Variants in PIK3R2 observed in about 807,000 individuals in gnomAD.
The protein encoded by PIK3R2 is phosphatidylinositol 3-kinase regulatory subunit beta.
A neutral mutation model predicts 78.5 loss-of-function variants in PIK3R2; 40 were observed. The ratio of observed to expected loss-of-function variants is 0.51; its 90% CI spans 0.40 to 0.66. The LOEUF (loss-of-function observed/expected upper bound fraction) is 0.66, where lower values mean the gene tolerates loss of function less well. Ranked by LOEUF, PIK3R2 falls within the 30% of genes least tolerant of loss-of-function variation. The pLI, the probability that PIK3R2 is intolerant of heterozygous loss-of-function variation, is 0.00. For missense variants in PIK3R2, 880 were observed against 1,026.6 expected (o/e 0.86, Z 1.95); for synonymous variants, 473 against 457.7 (o/e 1.03, Z -0.43).
intron 12 of PIK3R2, 133 bp from the exon 13 acceptor site, chr19:18,166,997 A>G (rs1256821335): frequency 9.5e-6 from 6 of 632,054 alleles, no homozygotes; most frequent in Admixed American, 7.5e-5. Flanking sequence ...TTAGCCAGAC[A>G]TGGTGGTGCA....
At chr19:18,162,155 C>T (rs554991692) in intron 7 of PIK3R2, 47 bp from the exon 8 acceptor site, 2 of 1,410,178 alleles carry the variant, frequency 1.4e-6, no homozygotes, top group East Asian at 2.3e-5. Flanking sequence ...GAGGCAGCCA[C>T]AGTATACAGT....
rs946878425 is a variant in PIK3R2 at position 18,168,091 on chromosome 19, C to T, written c.1737-384C>T. Among the ~76,000 whole-genome samples the T allele has an allele frequency of 6.6e-6, 1 of 152,176 alleles. No individual in the cohort carries two copies. ...CGTTATGAGTTCATTTGGTCCTTTT[C>T]AAGCCCTTTGTAAAGTTTGCCCTTT... On this transcript the variant is annotated intron_variant, in intron 13 of 15. Transcript: ENST00000222254. This position sits in a 1 kb window ranked among gnomAD's most constrained non-coding sequence, Gnocchi z 4.1.
Position 18,168,918 on chromosome 19 carries a change from G to T in PIK3R2, c.1979+22G>T. On this transcript the variant is annotated intron_variant, in intron 15 of 15. Coordinates refer to ENST00000222254, the MANE Select transcript of PIK3R2 (RefSeq NM_005027.4). The surrounding 1 kb of genome is among the most constrained non-coding windows in gnomAD (Gnocchi z 4.1). The stretch of plus-strand genomic sequence containing the variant: ...TGGTGTGAGTGGACCGCAGCGGTGG[G>T]GATTCCCGCGTCCCTCCCAGAGCTC... 6.2e-7 allele frequency: 1 copy of T among 1,602,640 alleles called. No homozygotes were observed. The highest frequency in any genetic ancestry group is 8.5e-7 in the Non-Finnish European group (1 of 1,174,404).
At chr19:18,160,024 C>A (rs1438134920) in intron 2 of PIK3R2, among the ~76,000 whole-genome samples, 1 of 152,166 alleles carries the variant, frequency 6.6e-6, no homozygotes, top group Admixed American at 6.5e-5. Context: ...CAGGCTTGAG[C>A]CGCCATCCTG....
At position 18,156,137 on chromosome 19, in the gene PIK3R2, C is replaced by CGGCCCTCGCCCACGG. The variant is rs1409975577; in HGVS notation, c.264_278dup (p.Arg91_Pro95dup). ...TGGGGCCCGTGGCCCTGGCCCGGCCCGGCCCTCGCCCACGGGGCCCCCGCC... is the reference window on the plus strand; with the variant it reads ...TGGGGCCCGTGGCCCTGGCCCGGCCCGGCCCTCGCCCACGGGGCCCTCGCCCACGGGGCCCCCGCC... On this transcript the variant is annotated inframe_insertion, in exon 2 of 16. Coordinates refer to ENST00000222254, the MANE Select transcript of PIK3R2 (RefSeq NM_005027.4). The surrounding 1 kb of genome is among the most constrained non-coding windows in gnomAD (Gnocchi z 4.2). The CGGCCCTCGCCCACGG allele has an allele frequency of 6.7e-7, 1 of 1,484,048 alleles. No homozygotes were observed. The highest frequency in any genetic ancestry group is 8.9e-7 in the Non-Finnish European group (1 of 1,120,648). The allele number at this position is 1,484,048 out of a possible 1,614,324, so 91.9% of individuals were successfully genotyped here. A position where few individuals can be genotyped will look rare whatever the true frequency, so the allele number is the denominator to read the frequency against.
Position 18,166,197 on chromosome 19 carries a change from A to G in PIK3R2, c.1454A>G (p.Asn485Ser), listed in dbSNP as rs146156161. 3.1e-5 allele frequency: 50 copies of G among 1,614,102 alleles called. No homozygotes were observed. The highest frequency in any genetic ancestry group is 2.5e-4 in the African/African-American group (19 of 75,038). ...QMKRTAIEAF[N>S]ETIKIFEEQG... Reference sequence around the variant, plus strand: ...AAGCGTACTGCAATTGAGGCCTTCAATGAGACTATCAAGATCTTTGAAGAG... The same window carrying G: ...AAGCGTACTGCAATTGAGGCCTTCAGTGAGACTATCAAGATCTTTGAAGAG... Residue 485 changes from asparagine to serine, a missense_variant, in exon 12 of 16, where the codon AAT becomes AGT. Asn to Ser is a conservative substitution (Grantham distance 46). This residue lies in a region of PIK3R2 where 156 missense variants were observed against 241.0 expected (regional missense o/e 0.65). Transcript: ENST00000222254.
intron 2 of PIK3R2, among the ~76,000 whole-genome samples, chr19:18,158,194 G>A (rs1220930360): frequency 6.6e-6 from 1 of 152,112 alleles, no homozygotes; most frequent in Non-Finnish European, 1.5e-5. Context: ...TTTGCATCAA[G>A]AAGGGAGAAG....
Position 18,162,519 on chromosome 19 carries a change from C to A in PIK3R2, c.1109+13C>A. 6.2e-7 allele frequency: 1 copy of A among 1,606,734 alleles called. No individual in the cohort carries two copies. The highest frequency in any genetic ancestry group is 8.5e-7 in the Non-Finnish European group (1 of 1,174,434). On this transcript the variant is annotated intron_variant, in intron 9 of 15. Coordinates refer to ENST00000222254, the MANE Select transcript of PIK3R2 (RefSeq NM_005027.4). ...CGCTGACCCTCAGGTGGGGGCCTGT[C>A]CCTGCAAGGATAACCGGGGGTCACA...
intron 2 of PIK3R2, among the ~76,000 whole-genome samples, chr19:18,157,402 A>G (rs1490372647): frequency 6.6e-6 from 1 of 152,072 alleles, no homozygotes; most frequent in East Asian, 1.9e-4. Flanking sequence ...CCACCCTCTG[A>G]ATCTTCCAGG....
intron 7 of PIK3R2, 63 bp from the exon 8 acceptor site, chr19:18,162,139 C>A: frequency 7.0e-7 from 1 of 1,436,376 alleles, no homozygotes; most frequent in Non-Finnish European, 9.8e-7. Flanking sequence ...AGGCTGGTTG[C>A]AGTGGGAGGC....
chr19:18,155,999 G>A lies in PIK3R2; in HGVS notation c.120G>A (p.Ala40=), dbSNP rs760577939. The A allele has an allele frequency of 1.6e-5, 25 of 1,558,542 alleles. No individual in the cohort carries two copies. The highest frequency in any genetic ancestry group is 8.3e-5 in the South Asian group (7 of 84,842). Residue 40 remains alanine, a synonymous_variant, in exon 2 of 16, where the codon GCG becomes GCA. Transcript: ENST00000222254. ...TAGTGAGCCGGGCGGCCTTGCAGGC[G>A]CTGGGCGTGGCCGAGGGTGGCGAGC... The part of the protein sequence containing the change: ...VLVVSRAALQ[A]LGVAEGGERC...
Position 18,161,149 on chromosome 19 carries a change from CCCGAGGCCTCGG to C in PIK3R2, c.570_581del (p.Ser191_Ala194del). The C allele has an allele frequency of 6.4e-7, 1 of 1,551,976 alleles. No individual in the cohort carries two copies. The highest frequency in any genetic ancestry group is 8.7e-7 in the Non-Finnish European group (1 of 1,148,470). ...GGCACTGCCCGCGCCGCTCGTGACC[CCCGAGGCCTCGG>C]CCGAGGCGCGCCGGGCCCTGCGGGG... On this transcript the variant is annotated inframe_deletion, in exon 5 of 16. Coordinates refer to ENST00000222254, the MANE Select transcript of PIK3R2 (RefSeq NM_005027.4). This position sits in a 1 kb window ranked among gnomAD's most constrained non-coding sequence, Gnocchi z 5.3.
At chr19:18,163,509 G>T in intron 11 of PIK3R2, 121 bp downstream of exon 11, 1 of 1,055,646 alleles carries the variant, frequency 9.5e-7, no homozygotes. Flanking sequence ...TCACAGAGCA[G>T]GCACTTAGCA....
chr19:18,163,952 C>G (rs1455568069), intron 11 of PIK3R2, among the ~76,000 whole-genome samples: 1 of 152,024 alleles, frequency 6.6e-6, no homozygotes, highest in Non-Finnish European at 1.5e-5. Context: ...CATGTTGAAA[C>G]CCTGTCTCTA....
In PIK3R2 at chr19:18,169,340, CGCCGGAGGCTGCGGCGGCGGGA is replaced by C; in HGVS notation, c.*50_*71del. The C allele has an allele frequency of 8.5e-7, 1 of 1,175,638 alleles. No homozygotes were observed. The highest frequency in any genetic ancestry group is 1.1e-6 in the Non-Finnish European group (1 of 927,334). The allele number at this position is 1,175,638 out of a possible 1,614,324, so 72.8% of individuals were successfully genotyped here. A position where few individuals can be genotyped will look rare whatever the true frequency, so the allele number is the denominator to read the frequency against. On this transcript the variant is annotated 3_prime_UTR_variant, in exon 16 of 16. Transcript: ENST00000222254. Reference sequence around the variant, plus strand: ...GCAGAGCCGCCCCTGGGCCCGTCTGCGCCGGAGGCTGCGGCGGCGGGAGCCACGGACCAGACCAGCCACATCC... The same window carrying C: ...GCAGAGCCGCCCCTGGGCCCGTCTGCGCCACGGACCAGACCAGCCACATCC...
In PIK3R2 at chr19:18,163,111, C is replaced by T. The variant is rs372211315; in HGVS notation, c.1254C>T (p.Asp418=). Residue 418 remains aspartate, a synonymous_variant, in exon 10 of 16, where the codon GAC becomes GAT. Coordinates refer to ENST00000222254, the MANE Select transcript of PIK3R2 (RefSeq NM_005027.4). ...ESLAQYNAKL[D]TRLLYPVSKY... is the part of the protein sequence containing the mutation. ...TGGCCCAGTACAATGCCAAGCTGGA[C>T]ACACGGCTCCTCTACCCTGTGTCCA... 2.5e-6 allele frequency: 4 copies of T among 1,613,982 alleles called. No individual in the cohort carries two copies. Among genetic ancestry groups the T allele is most frequent in the Non-Finnish European group, 3.4e-6 (4 of 1,180,004 alleles).
In PIK3R2 at chr19:18,169,575, C is replaced by T. The variant is rs957496627; in HGVS notation, c.*281C>T. 36 of 301,220 alleles carry T rather than the reference C, an allele frequency of 1.2e-4. No homozygotes were observed. The highest frequency in any genetic ancestry group is 7.2e-4 in the African/African-American group (33 of 45,664). The allele number at this position is 301,220 out of a possible 1,614,324, so 18.7% of individuals were successfully genotyped here. On this transcript the variant is annotated 3_prime_UTR_variant, in exon 16 of 16. Transcript: ENST00000222254. ...TATCTACGTGTCCTCCGGGCATTGCCCTCTCCATGGCTCTGGTCACCCTGA... is the reference window on the plus strand; with the variant it reads ...TATCTACGTGTCCTCCGGGCATTGCTCTCTCCATGGCTCTGGTCACCCTGA...
intron 15 of PIK3R2, 58 bp from the exon 16 acceptor site, chr19:18,169,028 CG>C (rs2043839952): frequency 6.3e-7 from 1 of 1,576,524 alleles, no homozygotes; most frequent in African/African-American, 1.3e-5. Flanking sequence ...GGCCCTGGAA[CG>C]GGGAAAGCTT....
Position 18,167,312 on chromosome 19 carries a change from T to G in PIK3R2, c.1736+6T>G, listed in dbSNP as rs762024321. On this transcript the variant is annotated splice_donor_region_variant and intron_variant, in intron 13 of 15. Transcript: ENST00000222254. The surrounding 1 kb of genome is among the most constrained non-coding windows in gnomAD (Gnocchi z 4.5). ...ATCCGAGACCAGTACCTCGTGTAAGTGGCGGCTCCATACTTCCCTGCGGCT... is the reference window on the plus strand; with the variant it reads ...ATCCGAGACCAGTACCTCGTGTAAGGGGCGGCTCCATACTTCCCTGCGGCT... The G allele has an allele frequency of 3.2e-6, 5 of 1,574,838 alleles. No homozygotes were observed. The highest frequency in any genetic ancestry group is 1.7e-6 in the Non-Finnish European group (2 of 1,159,984).
Sources: gnomAD v4.1 joint callset for allele counts (sites outside exome capture counted in the v4.1 genomes callset) on GRCh38, gnomAD v4.1.1 for gene constraint, gnomAD v4.1.1 regional missense constraint, Gnocchi (gnomAD v3.1) non-coding constraint, MANE v1.5 for transcripts, NCBI Gene and HGNC (gene_info 2026-07-23, HGNC 2026-07-21) for gene names.